Variants in XKR6 observed in about 807,000 individuals in gnomAD.
The protein encoded by XKR6 is XK-related protein 6.
In XKR6, 22 loss-of-function variants were observed where a neutral mutation model predicts 56.7. The observed-to-expected ratio is 0.39, with a 90% CI of 0.28 to 0.55. The LOEUF is 0.55. Ranked by LOEUF, XKR6 falls within the 20% of genes least tolerant of loss-of-function variation. The pLI, the probability that XKR6 is intolerant of heterozygous loss-of-function variation, is 0.66. For synonymous variants in XKR6, 524 were observed against 387.8 expected, an observed-to-expected ratio of 1.35 and a Z score of -4.13; for missense variants, 852 against 889.0, an observed-to-expected ratio of 0.96 and a Z score of 0.53.
At chr8:10,954,886 T>TTTTTTTTTTTTTTG (rs1801834290) in intron 1 of XKR6, among the ~76,000 whole-genome samples, 2 of 147,422 alleles carry the variant, frequency 1.4e-5, no homozygotes, top group African/African-American at 5.0e-5. Flanking sequence ...TTTTTTTTTT[T>TTTTTTTTTTTTTTG]AGACAGAGTT....
At position 11,141,003 on chromosome 8, in the gene XKR6, C is replaced by T. The variant is rs543383339; in HGVS notation, c.764+59573G>A. On this transcript the variant is annotated intron_variant, in intron 1 of 2. Coordinates refer to ENST00000416569, the MANE Select transcript of XKR6 (RefSeq NM_173683.4). Reference sequence around the variant, plus strand: ...TATGAAAGACTGCTGTGAGTATAAACTGATTACACAGTTACTTGCAGAATC... The same window carrying T: ...TATGAAAGACTGCTGTGAGTATAAATTGATTACACAGTTACTTGCAGAATC... Among the ~76,000 whole-genome samples the T allele has an allele frequency of 3.1e-4, 46 of 150,228 alleles. No individual in the cohort carries two copies. The South Asian group carries it at 9.3e-3, about 30-fold the overall frequency.
intron 1 of XKR6, among the ~76,000 whole-genome samples, chr8:11,150,171 G>C (rs951857502): frequency 5.3e-5 from 8 of 152,190 alleles, no homozygotes; most frequent in Non-Finnish European, 1.0e-4. Context: ...TGATAGCAGA[G>C]TGGAGGGACT....
At chr8:10,986,009 G>C (rs1797856189) in intron 1 of XKR6, among the ~76,000 whole-genome samples, 1 of 152,194 alleles carries the variant, frequency 6.6e-6, no homozygotes, top group African/African-American at 2.4e-5. Context: ...AGGAGAGAAG[G>C]AGACTACTAA....
chr8:11,040,868 T>C (rs1276389864), intron 1 of XKR6, among the ~76,000 whole-genome samples: 1 of 152,118 alleles, frequency 6.6e-6, no homozygotes, highest in African/African-American at 2.4e-5. Context: ...GCTTGTAGCG[T>C]CTCTCTCACA....
intron 1 of XKR6, among the ~76,000 whole-genome samples, chr8:11,071,896 C>T (rs1239222524): frequency 1.3e-5 from 2 of 152,222 alleles, no homozygotes; most frequent in Non-Finnish European, 2.9e-5. Flanking sequence ...ATACTGTGTC[C>T]TCTGAATATA....
chr8:11,005,221 G>A (rs1798338602), intron 1 of XKR6, among the ~76,000 whole-genome samples: 2 of 152,040 alleles, frequency 1.3e-5, no homozygotes, highest in Admixed American at 1.3e-4. Flanking sequence ...ATTTCATCAT[G>A]CTGCTCAACA....
chr8:11,027,739 G>C (rs114083471), intron 1 of XKR6, among the ~76,000 whole-genome samples: 290 of 152,322 alleles, frequency 1.9e-3, no homozygotes, highest in African/African-American at 5.6e-3. Context: ...TTGTGGGTAA[G>C]AACAGAAGGA....
intron 1 of XKR6, among the ~76,000 whole-genome samples, chr8:11,096,367 C>T (rs934948248): frequency 2.0e-5 from 3 of 152,188 alleles, no homozygotes; most frequent in Non-Finnish European, 4.4e-5. Flanking sequence ...TTTGGTGGAA[C>T]ATTCAAATAG....
chr8:10,932,344 C>T (rs984821429), intron 1 of XKR6, among the ~76,000 whole-genome samples: 1 of 152,136 alleles, frequency 6.6e-6, no homozygotes, highest in African/African-American at 2.4e-5. Context: ...CCCATAGTTC[C>T]CTTTCTAGGT....
At chr8:11,116,656 C>A (rs1477782422) in intron 1 of XKR6, among the ~76,000 whole-genome samples, 1 of 152,126 alleles carries the variant, frequency 6.6e-6, no homozygotes, top group African/African-American at 2.4e-5. Context: ...CAGGCAGGAG[C>A]CACTACACCA....
intron 1 of XKR6, among the ~76,000 whole-genome samples, chr8:11,148,382 T>C (rs73530510): frequency 0.06 from 9,097 of 152,202 alleles, 615 homozygotes; most frequent in African/African-American, 0.17. Flanking sequence ...AGGGCAGCCG[T>C]CTGCAAGCCA....
chr8:10,945,759 G>C (rs1329617433), intron 1 of XKR6, among the ~76,000 whole-genome samples: 5 of 152,174 alleles, frequency 3.3e-5, no homozygotes, highest in Non-Finnish European at 7.3e-5. Flanking sequence ...CAAGCCCCCA[G>C]GGCAAGGGTA....
chr8:11,118,221 C>T (rs1291492030), intron 1 of XKR6, among the ~76,000 whole-genome samples: 1 of 144,162 alleles, frequency 6.9e-6, no homozygotes, highest in Admixed American at 7.2e-5. Context: ...AAAACAAGCC[C>T]AACTGTCTGT....
At chr8:11,195,356 C>G in intron 1 of XKR6, 1 of 589,150 alleles carries the variant, frequency 1.7e-6, no homozygotes, top group African/African-American at 1.9e-5. Context: ...TAGTCAACTG[C>G]TAATATCATG....
At chr8:10,980,903 C>G (rs11786713) in intron 1 of XKR6, among the ~76,000 whole-genome samples, 42,421 of 152,024 alleles carry the variant, frequency 0.28, 6,610 homozygotes, top group Non-Finnish European at 0.36. Context: ...TAGATCATGA[C>G]TGATGGGCTG....
At chr8:11,047,353 A>C (rs1307362704) in intron 1 of XKR6, among the ~76,000 whole-genome samples, 1 of 152,214 alleles carries the variant, frequency 6.6e-6, no homozygotes, top group Non-Finnish European at 1.5e-5. Flanking sequence ...AAGATATGTT[A>C]AGAATATTTT....
At chr8:11,161,955 A>G (rs1457653175) in intron 1 of XKR6, among the ~76,000 whole-genome samples, 2 of 152,144 alleles carry the variant, frequency 1.3e-5, no homozygotes, top group Non-Finnish European at 2.9e-5. Flanking sequence ...AAAATGAGAA[A>G]GAAAAAGAAA....
intron 2 of XKR6, among the ~76,000 whole-genome samples, chr8:10,909,587 A>G (rs1800288535): frequency 6.6e-6 from 1 of 152,210 alleles, no homozygotes; most frequent in South Asian, 2.1e-4. Context: ...ATGAGTCCAC[A>G]GCTATTCTTG....
At chr8:11,017,613 T>C (rs1798655877) in intron 1 of XKR6, among the ~76,000 whole-genome samples, 1 of 152,202 alleles carries the variant, frequency 6.6e-6, no homozygotes, top group South Asian at 2.1e-4. Flanking sequence ...GCTGACATTA[T>C]GGTGGGCATC....
Sources: gnomAD v4.1 joint callset for allele counts (sites outside exome capture counted in the v4.1 genomes callset) on GRCh38, gnomAD v4.1.1 for gene constraint, MANE v1.5 for transcripts, NCBI Gene and HGNC (gene_info 2026-07-23, HGNC 2026-07-21) for gene names.